PLB1: variants seen among roughly 807,000 people sequenced by gnomAD.
PLB1 encodes the protein phospholipase B1, membrane-associated.
In PLB1, 242 loss-of-function variants were observed where a neutral mutation model predicts 227.4. The ratio of observed to expected loss-of-function variants is 1.06; its 90% CI spans 0.96 to 1.18. PLB1 has a LOEUF of 1.18. Among genes scored for constraint, PLB1 ranks in the 50% most tolerant of loss-of-function variants. PLB1 has a pLI of 0.00. For missense variants in PLB1, 1,858 were observed against 1,816.3 expected, an observed-to-expected ratio of 1.02 and a Z score of -0.42; for synonymous variants, 757 against 682.2, an observed-to-expected ratio of 1.11 and a Z score of -1.71.
intron 9 of PLB1, among the ~76,000 whole-genome samples, chr2:28,533,852 A>G (rs979300911): frequency 1.3e-5 from 2 of 152,170 alleles, no homozygotes; most frequent in African/African-American, 4.8e-5. Context: ...TACATGTTGT[A>G]TTCTTGTGCA....
chr2:28,575,852 G>A (rs992130494), intron 21 of PLB1, among the ~76,000 whole-genome samples: 1 of 152,118 alleles, frequency 6.6e-6, no homozygotes, highest in Non-Finnish European at 1.5e-5. Context: ...TGCCCAGCAG[G>A]CCCAATATGT....
intron 38 of PLB1, 54 bp downstream of exon 38, chr2:28,602,018 G>T (rs1683993756): frequency 6.9e-7 from 1 of 1,445,932 alleles, no homozygotes; most frequent in African/African-American, 1.4e-5. Flanking sequence ...TGAGGGTGAA[G>T]GTGGATGGGG....
In PLB1 at chr2:28,604,735, G is replaced by T. The variant is rs1391861935; in HGVS notation, c.2937G>T (p.Gln979His). Residue 979 changes from glutamine (Q) to histidine (H), a missense_variant, in exon 41 of 58, where the codon CAG (glutamine) becomes CAT (histidine). Coordinates refer to ENST00000327757, the MANE Select transcript of PLB1 (RefSeq NM_153021.5). ...CTGTGGTGCTGCAGCCCTTCTTCCA[G>T]AACATCCAGCTCCCTGTCCTGGCGG... ...DFSVVLQPFF[Q>H]NIQLPVLADG... 2 of 1,614,072 alleles carry T rather than the reference G, an allele frequency of 1.2e-6. No homozygotes were observed. The highest frequency in any genetic ancestry group is 1.7e-6 in the Non-Finnish European group (2 of 1,180,006).
At chr2:28,635,562 T>A (rs902663123) in intron 56 of PLB1, among the ~76,000 whole-genome samples, 1 of 152,228 alleles carries the variant, frequency 6.6e-6, no homozygotes, top group Non-Finnish European at 1.5e-5. Flanking sequence ...TGTCTCACAA[T>A]TAGAGTCCTA....
chr2:28,589,873 C>T, intron 28 of PLB1, 103 bp downstream of exon 28: 1 of 1,356,896 alleles, frequency 7.4e-7, no homozygotes, highest in Non-Finnish European at 1.1e-6. Flanking sequence ...CCATGTGATT[C>T]TATGCACGGC....
chr2:28,496,396 G>C (rs1351871070), intron 1 of PLB1, among the ~76,000 whole-genome samples: 1 of 152,184 alleles, frequency 6.6e-6, no homozygotes, highest in Non-Finnish European at 1.5e-5. Context: ...GGCAGATCTT[G>C]GGACAGGAGA....
intron 56 of PLB1, among the ~76,000 whole-genome samples, chr2:28,639,740 T>C (rs1376715371): frequency 2.0e-5 from 3 of 152,248 alleles, no homozygotes. Flanking sequence ...CTGTCACTGT[T>C]ACGATAGACT....
chr2:28,509,846 G>T (rs1668031800), intron 1 of PLB1, among the ~76,000 whole-genome samples: 1 of 152,136 alleles, frequency 6.6e-6, no homozygotes, highest in South Asian at 2.1e-4. Context: ...AGCACCTTGG[G>T]GTACTGTGGG....
intron 14 of PLB1, 173 bp from the exon 15 acceptor site, chr2:28,548,687 T>A: frequency 1.5e-6 from 1 of 669,556 alleles, no homozygotes; most frequent in Non-Finnish European, 2.7e-6. Flanking sequence ...CACAGACTGC[T>A]GCCCCAGCCC....
intron 21 of PLB1, among the ~76,000 whole-genome samples, chr2:28,574,827 T>TC (rs1678660088): frequency 6.6e-6 from 1 of 152,234 alleles, no homozygotes; most frequent in East Asian, 1.9e-4. Context: ...TCCATCCAAG[T>TC]TGCTGCAAAT....
chr2:28,537,069 C>T (rs1671785788), intron 9 of PLB1, among the ~76,000 whole-genome samples: 2 of 152,180 alleles, frequency 1.3e-5, no homozygotes, highest in Admixed American at 6.5e-5. Flanking sequence ...GGGAGCAGCT[C>T]ACTTAGGAGA....
intron 17 of PLB1, among the ~76,000 whole-genome samples, chr2:28,555,233 CT>C (rs1206048586): frequency 1.3e-5 from 2 of 151,968 alleles, no homozygotes; most frequent in East Asian, 3.9e-4. Context: ...CCTCCACCCC[CT>C]GGGTTCAAGC....
chr2:28,612,416 G>A (rs184200700), intron 43 of PLB1, among the ~76,000 whole-genome samples: 201 of 152,206 alleles, frequency 1.3e-3, no homozygotes, highest in Non-Finnish European at 2.5e-3. Flanking sequence ...TCTGGCCCCA[G>A]TTTGGCATTC....
chr2:28,582,704 G>C (rs1680245919), intron 25 of PLB1, among the ~76,000 whole-genome samples, 199 bp downstream of exon 25: 1 of 152,034 alleles, frequency 6.6e-6, no homozygotes, highest in Non-Finnish European at 1.5e-5. Context: ...CCACCTCAGG[G>C]TGTGCATGGG....
At chr2:28,552,468 G>T (rs774739297) in intron 16 of PLB1, among the ~76,000 whole-genome samples, 1 of 152,228 alleles carries the variant, frequency 6.6e-6, no homozygotes, top group Non-Finnish European at 1.5e-5. Flanking sequence ...ACAAATACTT[G>T]TTGAGCATCT....
At chr2:28,513,026 G>A (rs2148169987) in intron 1 of PLB1, among the ~76,000 whole-genome samples, 1 of 152,256 alleles carries the variant, frequency 6.6e-6, no homozygotes, top group Admixed American at 6.5e-5. Context: ...CTGTAACTGG[G>A]TACAAAACAT....
chr2:28,640,614 C>T (rs892354620), intron 56 of PLB1, among the ~76,000 whole-genome samples: 1 of 152,184 alleles, frequency 6.6e-6, no homozygotes, highest in Non-Finnish European at 1.5e-5. Context: ...TGGTCCCAGC[C>T]CCTCCGCAGA....
In PLB1 at chr2:28,632,954, C is replaced by T. The variant is rs1317965963; in HGVS notation, c.4013C>T (p.Thr1338Ile). Reference protein sequence around the residue: ...TLTPLNERGDTDLTFFSEDCF... With the variant: ...TLTPLNERGDIDLTFFSEDCF... ...TGCCGTTGGTTGCAGAGAGGGGACA[C>T]TGACCTCACCTTCTTCTCCGAGGAC... Residue 1338 changes from threonine to isoleucine, a missense_variant, in exon 56 of 58, where the codon ACT becomes ATT. Physicochemically the swap from Thr to Ile is moderately conservative, Grantham distance 89 (BLOSUM62 -1). Transcript: ENST00000327757. The T allele has an allele frequency of 1.9e-6, 3 of 1,605,856 alleles. No homozygotes were observed. Among genetic ancestry groups the T allele is most frequent in the Admixed American group, 1.7e-5 (1 of 59,666 alleles).
chr2:28,530,260 G>T (rs1204660500), intron 8 of PLB1, among the ~76,000 whole-genome samples: 1 of 152,214 alleles, frequency 6.6e-6, no homozygotes, highest in Non-Finnish European at 1.5e-5. Context: ...GAGAGCTTCA[G>T]TTCCAGGTGA....
Sources: gnomAD v4.1 joint callset for allele counts (sites outside exome capture counted in the v4.1 genomes callset) on GRCh38, gnomAD v4.1.1 for gene constraint, MANE v1.5 for transcripts, NCBI Gene and HGNC (gene_info 2026-07-23, HGNC 2026-07-21) for gene names.